Variants in MYBPC2 observed in about 807,000 individuals in gnomAD.
MYBPC2 encodes the protein myosin-binding protein C, fast-type.
In MYBPC2, 122 loss-of-function variants were observed where a neutral mutation model predicts 137.0. The observed-to-expected ratio is 0.89, with a 90% CI of 0.77 to 1.03. MYBPC2 has a LOEUF of 1.03. Ranked by LOEUF, MYBPC2 falls within the 50% of genes least tolerant of loss-of-function variation. The pLI is 0.00. For synonymous variants in MYBPC2, 626 were observed against 612.3 expected (o/e 1.02, Z -0.33); for missense variants, 1,500 against 1,534.4 (o/e 0.98, Z 0.37).
chr19:50,452,982 A>G (rs2081202432), intron 16 of MYBPC2, among the ~76,000 whole-genome samples: 1 of 152,258 alleles, frequency 6.6e-6, no homozygotes, highest in African/African-American at 2.4e-5. Context: ...TAAAATGGAC[A>G]GACTTGCTCA....
intron 1 of MYBPC2, 38 bp downstream of exon 1, chr19:50,433,010 T>C (rs1018571346): frequency 6.4e-7 from 1 of 1,558,112 alleles, no homozygotes; most frequent in Non-Finnish European, 8.6e-7. Context: ...GGGATGGGGC[T>C]CTTCTTTTCT....
chr19:50,463,980 C>G (rs79596142), intron 26 of MYBPC2, among the ~76,000 whole-genome samples: 4,188 of 149,224 alleles, frequency 0.028, 188 homozygotes, highest in African/African-American at 0.095. Context: ...GAAGAGGGAA[C>G]AGCCAGTGCC....
rs761663892 is a variant in MYBPC2 at position 50,461,941 on chromosome 19, C to T, written c.3133C>T (p.Arg1045Trp). 1.3e-5 allele frequency: 21 copies of T among 1,593,238 alleles called. No individual in the cohort carries two copies. The highest frequency in any genetic ancestry group is 6.7e-5 in the African/African-American group (5 of 74,502). Reference sequence around the variant, plus strand: ...GTTCGAGTATAAGGAGCATGACTTCCGGATGGCTCCCAAGTTCCTGACACC... The same window carrying T: ...GTTCGAGTATAAGGAGCATGACTTCTGGATGGCTCCCAAGTTCCTGACACC... Reference protein sequence around the residue: ...KPFEYKEHDFRMAPKFLTPLI... With the variant: ...KPFEYKEHDFWMAPKFLTPLI... The change falls in exon 26 of 28, where the codon CGG becomes TGG. Residue 1045 changes from arginine to tryptophan, a missense_variant. Coordinates refer to ENST00000357701, the MANE Select transcript of MYBPC2 (RefSeq NM_004533.4).
At chr19:50,456,252 TCCA>T (rs1568666564) in intron 20 of MYBPC2, among the ~76,000 whole-genome samples, 2 of 148,112 alleles carry the variant, frequency 1.4e-5, no homozygotes, top group African/African-American at 2.5e-5. Context: ...CATCCATCCA[TCCA>T]TCCATCCCTC....
intron 8 of MYBPC2, among the ~76,000 whole-genome samples, chr19:50,441,695 C>T (rs1601283832): frequency 6.6e-6 from 1 of 151,908 alleles, no homozygotes; most frequent in East Asian, 1.9e-4. Context: ...CAAAAGTCAG[C>T]CGGGCATGGT....
intron 26 of MYBPC2, among the ~76,000 whole-genome samples, chr19:50,462,401 C>G (rs1177261372): frequency 6.6e-6 from 1 of 152,012 alleles, no homozygotes; most frequent in African/African-American, 2.4e-5. Context: ...CCAGGCTGGT[C>G]TTGAACTCCT....
Position 50,435,236 on chromosome 19 carries a change from C to T in MYBPC2, c.95C>T (p.Ala32Val). Residue 32 changes from alanine to valine, a missense_variant, in exon 2 of 28, where the codon GCA (alanine) becomes GTA (valine). Transcript: ENST00000357701. This position sits in a 1 kb window ranked among gnomAD's most constrained non-coding sequence, Gnocchi z 4.8. ...GAGGCTCCCCCTAAGGAGGCTCCTG[C>T]AGAGGCCCCCAAAGGTGAGGAGGTG... is the stretch of plus-strand genomic sequence containing the variant. ...PKEAPPKEAPAEAPKEAPPED... is the reference protein window; with the variant it reads ...PKEAPPKEAPVEAPKEAPPED... 1 of 1,252,286 alleles carries T rather than the reference C, an allele frequency of 8.0e-7. No homozygotes were observed. Among genetic ancestry groups the T allele is most frequent in the Non-Finnish European group, 1.2e-6 (1 of 861,580 alleles). The allele number at this position is 1,252,286 out of a possible 1,614,324, so 77.6% of individuals were successfully genotyped here.
Position 50,464,478 on chromosome 19 carries a change from C to T in MYBPC2, c.3361C>T (p.Arg1121Trp), listed in dbSNP as rs113141947. 10,963 of 1,613,014 alleles carry T rather than the reference C, an allele frequency of 6.8e-3. 39 individuals carry two copies. Among genetic ancestry groups the T allele is most frequent in the Non-Finnish European group, 8.4e-3 (9,899 of 1,179,640 alleles). Reference protein sequence around the residue: ...SPFDAGTYTCRAVNELGEALA... With the variant: ...SPFDAGTYTCWAVNELGEALA... Reference sequence around the variant, plus strand: ...CTTCGACGCTGGGACTTACACCTGCCGGGCCGTCAACGAGCTGGGCGAGGC... The same window carrying T: ...CTTCGACGCTGGGACTTACACCTGCTGGGCCGTCAACGAGCTGGGCGAGGC... The change falls in exon 27 of 28, where the codon CGG becomes TGG. Residue 1121 changes from arginine to tryptophan, a missense_variant. By Grantham distance (101) the Arg-to-Trp change is moderately radical. Transcript: ENST00000357701.
intron 25 of MYBPC2, 48 bp downstream of exon 25, chr19:50,461,749 C>T (rs1400939686): frequency 9.9e-6 from 16 of 1,608,188 alleles, no homozygotes; most frequent in Admixed American, 1.7e-5. Flanking sequence ...TCCACCCTCT[C>T]GCCCAGGTCC....
At position 50,441,091 on chromosome 19, in the gene MYBPC2, G is replaced by T. The variant is rs180819259; in HGVS notation, c.769+15G>T. The T allele has an allele frequency of 1.9e-4, 297 of 1,566,216 alleles. No individual in the cohort carries two copies. In the African/African-American group the frequency reaches 3.0e-3, roughly 16 times the overall value. On this transcript the variant is annotated intron_variant, in intron 8 of 27. Coordinates refer to ENST00000357701, the MANE Select transcript of MYBPC2 (RefSeq NM_004533.4). ...GAAGAGTGCAGGTCAGCCCTGGTCT[G>T]GGGGGAGCTGGGCCCTGCACACAAG...
chr19:50,451,777 AC>A (rs1356088186), intron 15 of MYBPC2, 86 bp from the exon 16 acceptor site: 1 of 1,532,198 alleles, frequency 6.5e-7, no homozygotes, highest in Non-Finnish European at 8.8e-7. Flanking sequence ...CACTGTTGGA[AC>A]CCAACTTTTT....
At chr19:50,457,847 G>T (rs1726809) in intron 20 of MYBPC2, among the ~76,000 whole-genome samples, 34,257 of 150,780 alleles carry the variant, frequency 0.23, 5,701 homozygotes, top group African/African-American at 0.47. Context: ...GCCCGGCTAA[G>T]TATTGTGTTT....
At chr19:50,452,492 G>C (rs369614543) in intron 16 of MYBPC2, among the ~76,000 whole-genome samples, 1,636 of 123,026 alleles carry the variant, frequency 0.013, 32 homozygotes, top group African/African-American at 0.039. Context: ...ATGTATGTAT[G>C]TATGTATGTA....
At position 50,462,076 on chromosome 19, in the gene MYBPC2, T is replaced by C. The variant is rs371977884; in HGVS notation, c.3228+40T>C. ...ACCCAGATCTGCGTGTGTGTTGCCT[T>C]GTGGGGAATCTTCCATACAATGAAG... On this transcript the variant is annotated intron_variant, in intron 26 of 27. Coordinates refer to ENST00000357701, the MANE Select transcript of MYBPC2 (RefSeq NM_004533.4). 1,295 of 1,545,604 alleles carry C rather than the reference T, an allele frequency of 8.4e-4. 2 individuals carry two copies. Among genetic ancestry groups the C allele is most frequent in the Non-Finnish European group, 1.0e-3 (1,172 of 1,143,070 alleles).
At chr19:50,446,742 C>T (rs1361079489) in intron 12 of MYBPC2, among the ~76,000 whole-genome samples, 2 of 151,044 alleles carry the variant, frequency 1.3e-5, no homozygotes, top group Admixed American at 6.6e-5. Flanking sequence ...ATCGCTTGAA[C>T]CCAGGAGGTG....
chr19:50,454,915 G>C (rs980258841), intron 18 of MYBPC2, among the ~76,000 whole-genome samples, 193 bp from the exon 19 acceptor site: 1 of 152,066 alleles, frequency 6.6e-6, no homozygotes, highest in Non-Finnish European at 1.5e-5. Flanking sequence ...TTCATGAGCT[G>C]TGACCCCCTC....
intron 20 of MYBPC2, 27 bp downstream of exon 20, chr19:50,455,671 G>A (rs771819461): frequency 6.2e-7 from 1 of 1,611,288 alleles, no homozygotes; most frequent in Non-Finnish European, 8.5e-7. Context: ...GGGCTGGTGG[G>A]GGTGGTGGCT....
chr19:50,451,550 G>C (rs1274289895), intron 15 of MYBPC2, among the ~76,000 whole-genome samples: 1 of 150,604 alleles, frequency 6.6e-6, no homozygotes, highest in Non-Finnish European at 1.5e-5. Flanking sequence ...TGAGGGAAGA[G>C]GGATTGGGGA....
intron 26 of MYBPC2, among the ~76,000 whole-genome samples, chr19:50,463,602 G>A (rs2039989103): frequency 6.6e-6 from 1 of 152,088 alleles, no homozygotes; most frequent in South Asian, 2.1e-4. Context: ...TGTATGTTGG[G>A]GGAGACTGAC....
Sources: allele counts gnomAD v4.1 joint callset (sites outside exome capture counted in the v4.1 genomes callset), GRCh38; gene constraint gnomAD v4.1.1; non-coding constraint Gnocchi (gnomAD v3.1); transcripts MANE v1.5; gene names NCBI Gene and HGNC (gene_info 2026-07-23, HGNC 2026-07-21).